The following PCDH7 variants were observed in gnomAD, a reference collection of about 807,000 sequenced individuals.
PCDH7 encodes the protein protocadherin-7.
Under a neutral mutation model 58.9 loss-of-function variants are expected in PCDH7, and 17 were observed. That is an observed-to-expected ratio of 0.29 (90% confidence interval 0.20 to 0.43). The LOEUF (loss-of-function observed/expected upper bound fraction) is 0.43. PCDH7 is among the 20% of genes least tolerant of loss of function. The pLI, the probability that PCDH7 is intolerant of heterozygous loss-of-function variation, is 1.00. For missense variants in PCDH7, 1,274 were observed against 1,441.0 expected (o/e 0.88, Z 1.88); for synonymous variants, 664 against 616.4 (o/e 1.08, Z -1.14).
chr4:30,877,591 T>C (rs1262065083), intron 1 of PCDH7, among the ~76,000 whole-genome samples: 2 of 152,204 alleles, frequency 1.3e-5, no homozygotes, highest in African/African-American at 4.8e-5. Flanking sequence ...TGGCTCTCTC[T>C]TCATCATGCA....
chr4:30,855,577 A>G (rs1338637185), intron 1 of PCDH7, among the ~76,000 whole-genome samples: 1 of 152,106 alleles, frequency 6.6e-6, no homozygotes, highest in Non-Finnish European at 1.5e-5. Flanking sequence ...CTGCTACCAC[A>G]TTTACTCTAT....
At chr4:31,074,748 G>T (rs1479571525) in intron 3 of PCDH7, among the ~76,000 whole-genome samples, 1 of 120,832 alleles carries the variant, frequency 8.3e-6, no homozygotes, top group Non-Finnish European at 1.6e-5. Context: ...TCACACCACT[G>T]CACTCCAGCC....
chr4:30,901,693 GAGTTCAAACTGGATGTCTAATTTTTC>G (rs1399604835), intron 1 of PCDH7, among the ~76,000 whole-genome samples: 1 of 152,050 alleles, frequency 6.6e-6, no homozygotes, highest in Non-Finnish European at 1.5e-5. Context: ...ATGTCTGGTG[GAGTTCAAACTGGATGTCTAATTTTTC>G]AGCCTAAGGA....
chr4:31,139,045 G>T (rs1170660779), intron 3 of PCDH7, among the ~76,000 whole-genome samples: 1 of 151,834 alleles, frequency 6.6e-6, no homozygotes, highest in Non-Finnish European at 1.5e-5. Context: ...TCTAGGAAAG[G>T]ATCTTAACTT....
At position 31,081,469 on chromosome 4, in the gene PCDH7, A is replaced by G. The variant is rs552391801; in HGVS notation, c.*8-61004A>G. Among the ~76,000 whole-genome samples the G allele has an allele frequency of 6.6e-5, 10 of 152,352 alleles. No individual in the cohort carries two copies. In the East Asian group the frequency reaches 1.2e-3, roughly 18 times the overall value. On this transcript the variant is annotated intron_variant, in intron 3 of 3. Coordinates refer to the PCDH7 transcript ENST00000509759. The stretch of plus-strand genomic sequence containing the variant: ...AATGTGATAGATTTAGAAACATTAC[A>G]TAACATCTTCTTAATATGGCCCTTA...
At chr4:30,853,683 C>G (rs1386759183) in intron 1 of PCDH7, among the ~76,000 whole-genome samples, 3 of 152,090 alleles carry the variant, frequency 2.0e-5, no homozygotes, top group Non-Finnish European at 2.9e-5. Flanking sequence ...TCTGTCACAG[C>G]ATGCCTAAGA....
rs570265011 is a variant in PCDH7 at position 30,921,379 on chromosome 4, C to T, written c.287+1010C>T. ...ACGCTCTAACTTTTTGTTATATATC[C>T]GTTTCTTTAGTGCTGATATATATGC... On this transcript the variant is annotated intron_variant, in intron 2 of 3. Coordinates refer to the PCDH7 transcript ENST00000509759. Among the ~76,000 whole-genome samples, 22 of 152,014 alleles carry T rather than the reference C, an allele frequency of 1.4e-4. No individual in the cohort carries two copies. The South Asian group carries it at 4.4e-3, about 30-fold the overall frequency.
In PCDH7 at chr4:30,723,042, G is replaced by A. The variant is rs777267258; in HGVS notation, c.1620G>A (p.Val540=). ...CGCCCATGTTCGGCCAGTCGGTGGT[G>A]GAGGTTTACTTCCCTGAGAACAACA... Residue 540 remains valine (V), a synonymous_variant, in exon 1 of 2, where the codon GTG becomes GTA. Transcript: ENST00000361762. The surrounding 1 kb of genome is among the most constrained non-coding windows in gnomAD (Gnocchi z 4.6). 34 of 1,613,770 alleles carry A rather than the reference G, an allele frequency of 2.1e-5. No individual in the cohort carries two copies. In the African/African-American group the frequency reaches 3.9e-4, roughly 18 times the overall value.
At chr4:30,756,979 A>T (rs1367133796) in intron 1 of PCDH7, among the ~76,000 whole-genome samples, 1 of 152,216 alleles carries the variant, frequency 6.6e-6, no homozygotes, top group Non-Finnish European at 1.5e-5. Flanking sequence ...CTCTGCTCCC[A>T]GAGCTTACAG....
intron 1 of PCDH7, among the ~76,000 whole-genome samples, chr4:30,861,550 T>G (rs569519996): frequency 6.6e-6 from 1 of 152,304 alleles, no homozygotes; most frequent in African/African-American, 2.4e-5. Context: ...GGATTTAGGA[T>G]AGATAATTTT....
chr4:30,739,941 C>G (rs542345884), intron 1 of PCDH7, among the ~76,000 whole-genome samples: 11 of 152,224 alleles, frequency 7.2e-5, no homozygotes, highest in African/African-American at 2.4e-4. Flanking sequence ...ACATAAATAG[C>G]TAAACTTGCA....
intron 1 of PCDH7, among the ~76,000 whole-genome samples, chr4:30,837,058 G>A (rs906660216): frequency 5.3e-5 from 8 of 152,080 alleles, no homozygotes; most frequent in South Asian, 2.1e-4. Flanking sequence ...ACAGATACAC[G>A]AAGTCTAGAG....
chr4:31,060,420 T>C (rs1198992146), intron 3 of PCDH7, among the ~76,000 whole-genome samples: 1 of 151,806 alleles, frequency 6.6e-6, no homozygotes, highest in East Asian at 1.9e-4. Flanking sequence ...TAAATGCTTT[T>C]GTCTTCCTCA....
chr4:30,783,459 A>C (rs1445067347), intron 1 of PCDH7, among the ~76,000 whole-genome samples: 2 of 152,240 alleles, frequency 1.3e-5, no homozygotes, highest in East Asian at 3.8e-4. Flanking sequence ...ACGTATTGCC[A>C]ATTATATGCA....
downstream of PCDH7, among the ~76,000 whole-genome samples, chr4:30,733,217 T>C (rs1288034784): frequency 6.6e-6 from 1 of 152,208 alleles, no homozygotes. Flanking sequence ...TGTGGATATT[T>C]TATTTTAAAC....
chr4:30,873,885 G>A (rs1416426707), intron 1 of PCDH7, among the ~76,000 whole-genome samples: 1 of 151,872 alleles, frequency 6.6e-6, no homozygotes, highest in Non-Finnish European at 1.5e-5. Flanking sequence ...AGGACTAAAA[G>A]TCTGAATTTA....
intron 3 of PCDH7, among the ~76,000 whole-genome samples, chr4:31,074,648 G>T (rs1758820856): frequency 6.6e-6 from 1 of 151,656 alleles, no homozygotes; most frequent in Non-Finnish European, 1.5e-5. Flanking sequence ...GCCAGGCATG[G>T]TGGCACATGC....
chr4:30,944,481 T>G (rs999320304), intron 2 of PCDH7, among the ~76,000 whole-genome samples: 5 of 152,140 alleles, frequency 3.3e-5, no homozygotes, highest in African/African-American at 1.2e-4. Context: ...TCCTCTATAA[T>G]TTTTAAAGTG....
At chr4:31,024,709 G>A (rs1158323079) in intron 3 of PCDH7, among the ~76,000 whole-genome samples, 2 of 152,010 alleles carry the variant, frequency 1.3e-5, no homozygotes, top group Non-Finnish European at 2.9e-5. Context: ...AATTACTAAA[G>A]AAATTCTCAT....
Sources: gnomAD v4.1 joint callset for allele counts (sites outside exome capture counted in the v4.1 genomes callset) on GRCh38, gnomAD v4.1.1 for gene constraint, Gnocchi (gnomAD v3.1) non-coding constraint, MANE v1.5 for transcripts, NCBI Gene and HGNC (gene_info 2026-07-23, HGNC 2026-07-21) for gene names.